Variants in XYLT1 observed in about 807,000 individuals in gnomAD.
XYLT1 encodes the protein beta-D-xylosyltransferase 1.
In XYLT1, 36 loss-of-function variants were observed where a neutral mutation model predicts 91.3. The observed-to-expected ratio is 0.39, with a 90% CI of 0.30 to 0.52. The LOEUF (loss-of-function observed/expected upper bound fraction) is 0.52, where lower values mean the gene tolerates loss of function less well. Ranked by LOEUF, XYLT1 falls within the 20% of genes least tolerant of loss-of-function variation. XYLT1 has a pLI of 0.68. For synonymous variants in XYLT1, 588 were observed against 532.0 expected (o/e 1.11, Z -1.45); for missense variants, 1,242 against 1,284.5 (o/e 0.97, Z 0.51).
chr16:17,328,149 G>A, intron 2 of XYLT1, among the ~76,000 whole-genome samples: 1 of 152,068 alleles, frequency 6.6e-6, no homozygotes, highest in East Asian at 1.9e-4. Flanking sequence ...GGTGCCCCGG[G>A]TTTACCACCA....
intron 3 of XYLT1, among the ~76,000 whole-genome samples, chr16:17,244,638 G>A (rs1027193373): frequency 1.3e-5 from 2 of 152,272 alleles, no homozygotes; most frequent in East Asian, 1.9e-4. Flanking sequence ...AATGTCCTGG[G>A]GCATCCGTTG....
chr16:17,392,299 A>G (rs2035829624), intron 1 of XYLT1, among the ~76,000 whole-genome samples: 1 of 152,056 alleles, frequency 6.6e-6, no homozygotes, highest in Non-Finnish European at 1.5e-5. Flanking sequence ...CCTCAAGGCC[A>G]TTTCCCTCTG....
chr16:17,150,054 G>A (rs1456490815), intron 6 of XYLT1, among the ~76,000 whole-genome samples: 1 of 152,216 alleles, frequency 6.6e-6, no homozygotes. Context: ...GTCTGGCAGA[G>A]CAATGATATT....
chr16:17,389,256 T>G (rs2035785912), intron 1 of XYLT1, among the ~76,000 whole-genome samples: 1 of 152,204 alleles, frequency 6.6e-6, no homozygotes, highest in Non-Finnish European at 1.5e-5. Flanking sequence ...TCATTTTTAT[T>G]TTTCTTAGAG....
At chr16:17,448,932 G>A (rs1466731334) in intron 1 of XYLT1, among the ~76,000 whole-genome samples, 2 of 152,168 alleles carry the variant, frequency 1.3e-5, no homozygotes, top group East Asian at 3.9e-4. Flanking sequence ...GAGGCACAAA[G>A]ACTTCAGTCA....
chr16:17,309,438 G>A (rs1015056095), intron 2 of XYLT1, among the ~76,000 whole-genome samples: 11 of 152,102 alleles, frequency 7.2e-5, no homozygotes, highest in South Asian at 2.1e-4. Flanking sequence ...AGGGATCAAC[G>A]CTGACCACCC....
At chr16:17,286,920 C>G (rs540871199) in intron 2 of XYLT1, among the ~76,000 whole-genome samples, 2 of 152,234 alleles carry the variant, frequency 1.3e-5, no homozygotes, top group African/African-American at 4.8e-5. Flanking sequence ...GAATTCTGTT[C>G]AGGTGTTTGG....
intron 1 of XYLT1, among the ~76,000 whole-genome samples, chr16:17,378,236 G>C (rs1196939229): frequency 6.6e-6 from 1 of 151,994 alleles, no homozygotes; most frequent in Non-Finnish European, 1.5e-5. Flanking sequence ...ATATGCATGG[G>C]TGTGTGTGAG....
intron 8 of XYLT1, among the ~76,000 whole-genome samples, chr16:17,135,952 AGTTTGCTGACCCCTTGTGTAGGGCT>A (rs2030702619): frequency 6.6e-6 from 1 of 152,204 alleles, no homozygotes; most frequent in Non-Finnish European, 1.5e-5. Flanking sequence ...CCAGGGCTAG[AGTTTGCTGACCCCTTGTGTAGGGCT>A]GCGGAGACAA....
rs201292052 is a variant in XYLT1, at chr16:17,343,471, G to GA, written c.402+14540dup. On this transcript the variant is annotated intron_variant, in intron 2 of 11. Transcript: ENST00000261381. ...TGTGCTGGCGTTTTAGTTTTAAAAT[G>GA]AAAAAAAAGAATAATTTGAGACAGG... Among the ~76,000 whole-genome samples, 43 of 151,646 alleles carry GA rather than the reference G, an allele frequency of 2.8e-4. No individual in the cohort carries two copies. In the East Asian group the frequency reaches 5.0e-3, roughly 18 times the overall value.
At chr16:17,274,682 G>C (rs2033945830) in intron 2 of XYLT1, among the ~76,000 whole-genome samples, 1 of 152,120 alleles carries the variant, frequency 6.6e-6, no homozygotes, top group Non-Finnish European at 1.5e-5. Flanking sequence ...AGAGAAAGCA[G>C]TTTTCCAGCC....
rs979794589 is a variant in XYLT1, at chr16:17,357,188, A to C, written c.402+824T>G. On this transcript the variant is annotated intron_variant, in intron 2 of 11. Coordinates refer to ENST00000261381, the MANE Select transcript of XYLT1 (RefSeq NM_022166.4). The stretch of plus-strand genomic sequence containing the variant: ...ACTCGGTCTCAAAAAAAAAAAAAAA[A>C]AAAAAAAAAAACGCTACCACTCACA... Among the ~76,000 whole-genome samples the C allele has an allele frequency of 5.1e-4, 76 of 148,062 alleles. 1 individual carries two copies. The highest frequency in any genetic ancestry group is 1.6e-3 in the African/African-American group (61 of 39,134).
intron 3 of XYLT1, among the ~76,000 whole-genome samples, chr16:17,254,428 C>A (rs1385887460): frequency 6.6e-6 from 1 of 152,136 alleles, no homozygotes; most frequent in Non-Finnish European, 1.5e-5. Flanking sequence ...AGAGTCCCGC[C>A]CTGTTGCCTA....
chr16:17,421,895 T>G (rs2036255679), intron 1 of XYLT1, among the ~76,000 whole-genome samples: 1 of 152,174 alleles, frequency 6.6e-6, no homozygotes, highest in South Asian at 2.1e-4. Flanking sequence ...CAGAATGCAG[T>G]GGTGCAATCT....
At chr16:17,164,955 C>G (rs1265464076) in intron 5 of XYLT1, among the ~76,000 whole-genome samples, 1 of 152,166 alleles carries the variant, frequency 6.6e-6, no homozygotes, top group Non-Finnish European at 1.5e-5. Flanking sequence ...TGACCCCAGG[C>G]ACATGGCTCC....
chr16:17,137,136 G>C (rs924561242), intron 8 of XYLT1, among the ~76,000 whole-genome samples: 1 of 152,078 alleles, frequency 6.6e-6, no homozygotes, highest in Non-Finnish European at 1.5e-5. Flanking sequence ...AGGGGAATAC[G>C]AACGACAGAA....
intron 1 of XYLT1, among the ~76,000 whole-genome samples, chr16:17,448,320 G>T (rs1273989586): frequency 6.6e-6 from 1 of 152,176 alleles, no homozygotes; most frequent in African/African-American, 2.4e-5. Flanking sequence ...AGCCGAGATT[G>T]CGCCACTGCA....
intron 3 of XYLT1, among the ~76,000 whole-genome samples, chr16:17,253,162 T>C (rs2033569569): frequency 6.6e-6 from 1 of 152,214 alleles, no homozygotes; most frequent in Admixed American, 6.5e-5. Flanking sequence ...GCTTAAATGC[T>C]ATTAATTGTA....
chr16:17,329,002 T>C (rs1201611950), intron 2 of XYLT1, among the ~76,000 whole-genome samples: 1 of 152,246 alleles, frequency 6.6e-6, no homozygotes, highest in Non-Finnish European at 1.5e-5. Flanking sequence ...TCCATCCTTA[T>C]CACAGGCCTT....
Sources: allele counts gnomAD v4.1 joint callset (sites outside exome capture counted in the v4.1 genomes callset), GRCh38; gene constraint gnomAD v4.1.1; transcripts MANE v1.5; gene names NCBI Gene and HGNC (gene_info 2026-07-23, HGNC 2026-07-21).